Variants in SCFD2 observed in about 807,000 individuals in gnomAD.
The protein encoded by SCFD2 is sec1 family domain-containing protein 2.
In SCFD2, 54 loss-of-function variants were observed where a neutral mutation model predicts 58.9. The observed-to-expected ratio is 0.92, with a 90% CI of 0.74 to 1.15. The LOEUF is 1.15. Among genes scored for constraint, SCFD2 ranks in the 50% most tolerant of loss-of-function variants. The pLI, the probability that SCFD2 is intolerant of heterozygous loss-of-function variation, is 0.00. For missense variants in SCFD2, 805 were observed against 836.6 expected, an observed-to-expected ratio of 0.96 and a Z score of 0.47; for synonymous variants, 321 against 335.9, an observed-to-expected ratio of 0.96 and a Z score of 0.49.
intron 2 of SCFD2, among the ~76,000 whole-genome samples, chr4:53,332,475 A>G (rs1237868758): frequency 1.3e-5 from 2 of 152,204 alleles, no homozygotes; most frequent in African/African-American, 4.8e-5. Flanking sequence ...TCCAGCATAT[A>G]AACAGAACCA....
chr4:53,352,666 C>A lies in SCFD2; in HGVS notation c.939G>T (p.Ala313=), dbSNP rs760023725. Residue 313 remains alanine (A), a synonymous_variant, in exon 2 of 9, where the codon GCG becomes GCT. Coordinates refer to ENST00000401642, the MANE Select transcript of SCFD2 (RefSeq NM_152540.4). ...HTNDVMVNMI[A]LTALHTEEEN... is the part of the protein sequence containing the mutation. ...CCTCCTCAGTATGGAGTGCAGTGAG[C>A]GCTATCATGTTAACCATCACATCAT... 3 of 1,613,600 alleles carry A rather than the reference C, an allele frequency of 1.9e-6. No homozygotes were observed. The highest frequency in any genetic ancestry group is 1.7e-5 in the Admixed American group (1 of 59,994).
chr4:53,184,100 C>T (rs369841120), intron 4 of SCFD2, among the ~76,000 whole-genome samples: 15 of 152,238 alleles, frequency 9.9e-5, no homozygotes, highest in African/African-American at 3.4e-4. Flanking sequence ...ACTGACTTTC[C>T]GTACTATAAC....
At chr4:52,970,085 C>A (rs186865944) in intron 5 of SCFD2, among the ~76,000 whole-genome samples, 1 of 152,166 alleles carries the variant, frequency 6.6e-6, no homozygotes, top group Non-Finnish European at 1.5e-5. Context: ...CAGCTCCCAG[C>A]GTGAGCGACA....
intron 1 of SCFD2, among the ~76,000 whole-genome samples, chr4:53,354,742 A>C (rs1448220146): frequency 6.6e-6 from 1 of 152,142 alleles, no homozygotes; most frequent in Non-Finnish European, 1.5e-5. Context: ...AGATGATACT[A>C]TCCTGAAATT....
At chr4:53,205,543 C>T (rs1341645960) in intron 4 of SCFD2, among the ~76,000 whole-genome samples, 3 of 152,086 alleles carry the variant, frequency 2.0e-5, no homozygotes, top group African/African-American at 4.8e-5. Context: ...GAAACCCTTA[C>T]ACCAACATGA....
At chr4:52,888,439 GAC>G (rs1560470702) in intron 7 of SCFD2, among the ~76,000 whole-genome samples, 3 of 152,072 alleles carry the variant, frequency 2.0e-5, no homozygotes, top group Admixed American at 2.0e-4. Context: ...TGTTTCCCCC[GAC>G]CAATTTGTCA....
In SCFD2 at chr4:53,339,501, G is replaced by A. The variant is rs573685722; in HGVS notation, c.1007+13097C>T. On this transcript the variant is annotated intron_variant, in intron 2 of 8. Coordinates refer to ENST00000401642, the MANE Select transcript of SCFD2 (RefSeq NM_152540.4). ...AAACACTGTTAGGGCTCGGAGTGGT[G>A]GCTCACGCCTGTAATCCCAGCACTT... Among the ~76,000 whole-genome samples the A allele has an allele frequency of 5.3e-5, 8 of 152,246 alleles. No homozygotes were observed. The South Asian group carries it at 1.2e-3, about 24-fold the overall frequency.
chr4:53,032,733 A>G lies in SCFD2; in HGVS notation c.1562-111863T>C, dbSNP rs572821300. On this transcript the variant is annotated intron_variant, in intron 5 of 8. Coordinates refer to ENST00000401642, the MANE Select transcript of SCFD2 (RefSeq NM_152540.4). ...CAAAAGAGACAAAGAAGGGTATTAC[A>G]TAACGGTAAAGGGATCAATGCAGCA... Among the ~76,000 whole-genome samples, 26 of 152,344 alleles carry G rather than the reference A, an allele frequency of 1.7e-4. No homozygotes were observed. In the Middle Eastern group the frequency reaches 0.017, roughly 100 times the overall value.
At chr4:53,302,166 C>G (rs1732331737) in intron 3 of SCFD2, among the ~76,000 whole-genome samples, 1 of 152,186 alleles carries the variant, frequency 6.6e-6, no homozygotes, top group East Asian at 1.9e-4. Flanking sequence ...CAAATTGTCC[C>G]TGTTTGCAGA....
intron 4 of SCFD2, among the ~76,000 whole-genome samples, chr4:53,247,990 T>C (rs1318414723): frequency 6.6e-6 from 1 of 152,150 alleles, no homozygotes; most frequent in East Asian, 1.9e-4. Context: ...GCAGGTGATT[T>C]CTGCATTTCC....
At chr4:53,099,767 T>C (rs1326629432) in intron 5 of SCFD2, among the ~76,000 whole-genome samples, 2 of 152,276 alleles carry the variant, frequency 1.3e-5, no homozygotes, top group East Asian at 3.9e-4. Context: ...TCCCCATGCC[T>C]CAAACAAACA....
At chr4:53,051,294 C>T (rs1472464258) in intron 5 of SCFD2, among the ~76,000 whole-genome samples, 9 of 152,158 alleles carry the variant, frequency 5.9e-5, no homozygotes, top group East Asian at 1.9e-4. Flanking sequence ...TGGGAGACAT[C>T]GGTCAGCCTC....
intron 2 of SCFD2, among the ~76,000 whole-genome samples, chr4:53,344,928 C>T (rs545461263): frequency 1.2e-4 from 18 of 152,238 alleles, no homozygotes; most frequent in South Asian, 6.2e-4. Flanking sequence ...CCCTTCCTTA[C>T]ACCTTATACA....
intron 5 of SCFD2, among the ~76,000 whole-genome samples, chr4:52,959,970 G>A (rs1720807525): frequency 1.3e-5 from 2 of 150,378 alleles, no homozygotes; most frequent in Admixed American, 1.3e-4. Context: ...TAGGCTGTAA[G>A]TGAACAATGT....
At chr4:52,938,619 A>G (rs1720205499) in intron 5 of SCFD2, among the ~76,000 whole-genome samples, 1 of 152,198 alleles carries the variant, frequency 6.6e-6, no homozygotes, top group Admixed American at 6.5e-5. Context: ...CCTTAAAATT[A>G]GATTCCAACT....
intron 5 of SCFD2, among the ~76,000 whole-genome samples, chr4:52,984,652 T>C (rs1034677844): frequency 2.0e-5 from 3 of 152,230 alleles, no homozygotes; most frequent in Non-Finnish European, 4.4e-5. Flanking sequence ...CAAGTCTAAG[T>C]AGTTCTTCTT....
At chr4:53,184,567 A>C (rs1727684539) in intron 4 of SCFD2, among the ~76,000 whole-genome samples, 1 of 152,126 alleles carries the variant, frequency 6.6e-6, no homozygotes, top group Non-Finnish European at 1.5e-5. Context: ...TCTTGCTTAT[A>C]TCTACTGTAT....
intron 8 of SCFD2, among the ~76,000 whole-genome samples, chr4:52,882,040 A>G (rs1272350943): frequency 6.6e-6 from 1 of 152,032 alleles, no homozygotes; most frequent in Non-Finnish European, 1.5e-5. Flanking sequence ...AGGTGACCCT[A>G]ATTTTCTCTG....
At chr4:52,903,503 C>A (rs1719272940) in intron 7 of SCFD2, among the ~76,000 whole-genome samples, 1 of 152,150 alleles carries the variant, frequency 6.6e-6, no homozygotes, top group Non-Finnish European at 1.5e-5. Context: ...AGCTGTGCTG[C>A]ATTCTGAATA....
Sources: gnomAD v4.1 joint callset for allele counts (sites outside exome capture counted in the v4.1 genomes callset) on GRCh38, gnomAD v4.1.1 for gene constraint, MANE v1.5 for transcripts, NCBI Gene and HGNC (gene_info 2026-07-23, HGNC 2026-07-21) for gene names.